The following SORCS1 variants were observed in gnomAD, a reference collection of about 807,000 sequenced individuals.
SORCS1 encodes VPS10 domain-containing receptor SorCS1.
A neutral mutation model predicts 146.1 loss-of-function variants in SORCS1; 60 were observed. That is an observed-to-expected ratio of 0.41 (90% CI 0.33 to 0.51). SORCS1 has a LOEUF of 0.51. Ranked by LOEUF, SORCS1 falls within the 20% of genes least tolerant of loss-of-function variation. SORCS1 has a pLI of 0.21. For missense variants in SORCS1, 1,352 were observed against 1,487.6 expected (o/e 0.91, Z 1.50); for synonymous variants, 637 against 584.0 (o/e 1.09, Z -1.31).
intron 2 of SORCS1, among the ~76,000 whole-genome samples, chr10:106,928,220 G>A (rs1409660075): frequency 1.3e-5 from 2 of 152,232 alleles, no homozygotes; most frequent in Non-Finnish European, 2.9e-5. Context: ...GCTCAGGCAT[G>A]GTGGGCTGCA....
intron 1 of SORCS1, among the ~76,000 whole-genome samples, chr10:107,127,911 CA>C (rs937888630): frequency 1.3e-5 from 2 of 152,160 alleles, no homozygotes; most frequent in African/African-American, 4.8e-5. Context: ...GAACTTTGGC[CA>C]GTAATGTATC....
At chr10:107,133,358 A>G (rs7088098) in intron 1 of SORCS1, among the ~76,000 whole-genome samples, 13,546 of 152,078 alleles carry the variant, frequency 0.089, 695 homozygotes, top group African/African-American at 0.15. Context: ...GGGGCTCAAG[A>G]CAACTGCATT....
At chr10:106,957,320 C>T (rs1477417775) in intron 1 of SORCS1, among the ~76,000 whole-genome samples, 1 of 151,718 alleles carries the variant, frequency 6.6e-6, no homozygotes, top group African/African-American at 2.4e-5. Context: ...ATTACAGTTG[C>T]CCACCACCAC....
intron 1 of SORCS1, among the ~76,000 whole-genome samples, chr10:107,045,928 G>A (rs531756165): frequency 2.2e-4 from 34 of 151,738 alleles, no homozygotes; most frequent in African/African-American, 7.7e-4. Context: ...GGGACTACAG[G>A]TGGATGCCAC....
chr10:106,810,121 T>C (rs1247079469), intron 3 of SORCS1, among the ~76,000 whole-genome samples: 2 of 152,062 alleles, frequency 1.3e-5, no homozygotes, highest in Non-Finnish European at 2.9e-5. Flanking sequence ...CCTGGGAGGC[T>C]GAGGCAGGAG....
At chr10:106,769,298 A>C (rs1411781010) in intron 4 of SORCS1, among the ~76,000 whole-genome samples, 1 of 152,054 alleles carries the variant, frequency 6.6e-6, no homozygotes, top group Non-Finnish European at 1.5e-5. Context: ...AGCCTGGCCA[A>C]CACAGTGAAG....
chr10:106,577,618 CTTTGCAATGTGCTGCG>C, intron 25 of SORCS1, 63 bp from the exon 26 acceptor site: 1 of 1,601,336 alleles, frequency 6.2e-7, no homozygotes, highest in Non-Finnish European at 8.5e-7. Flanking sequence ...GTGTCAGAGA[CTTTGCAATGTGCTGCG>C]ATATCTTCCT....
intron 2 of SORCS1, among the ~76,000 whole-genome samples, chr10:106,944,871 CTTCTTTTTTT>C (rs201015516): frequency 0.22 from 13,363 of 60,796 alleles, 2,023 homozygotes; most frequent in East Asian, 0.46. Context: ...AAGAAAGAGC[CTTCTTTTTTT>C]TTTTTTTTTT....
chr10:106,921,822 A>G (rs1258581664), intron 2 of SORCS1, among the ~76,000 whole-genome samples: 1 of 152,206 alleles, frequency 6.6e-6, no homozygotes, highest in East Asian at 1.9e-4. Flanking sequence ...CAACTATTAC[A>G]AATTCAATCT....
chr10:107,134,455 G>A (rs917682464), intron 1 of SORCS1, among the ~76,000 whole-genome samples: 2 of 152,074 alleles, frequency 1.3e-5, no homozygotes, highest in Non-Finnish European at 1.5e-5. Flanking sequence ...TGGCTAACAT[G>A]GTGAGACCCT....
At chr10:106,952,777 A>G (rs1438677018) in intron 2 of SORCS1, among the ~76,000 whole-genome samples, 1 of 151,354 alleles carries the variant, frequency 6.6e-6, no homozygotes, top group Middle Eastern at 3.4e-3. Flanking sequence ...GGAGCTCAAA[A>G]CCAGTTTGAG....
chr10:106,984,012 A>G (rs1363411063), intron 1 of SORCS1, among the ~76,000 whole-genome samples: 1 of 152,222 alleles, frequency 6.6e-6, no homozygotes, highest in East Asian at 1.9e-4. Context: ...GCCAGTTATT[A>G]AAAAATTGTA....
chr10:106,953,002 A>G (rs1954766512), intron 2 of SORCS1, among the ~76,000 whole-genome samples: 1 of 151,464 alleles, frequency 6.6e-6, no homozygotes, highest in Admixed American at 6.6e-5. Flanking sequence ...TACTACTACT[A>G]ATAATAATAA....
At chr10:106,688,838 T>A (rs907691684) in intron 9 of SORCS1, among the ~76,000 whole-genome samples, 5 of 152,168 alleles carry the variant, frequency 3.3e-5, no homozygotes, top group African/African-American at 1.2e-4. Context: ...GGGCACACAG[T>A]AAGTATCAGA....
intron 1 of SORCS1, among the ~76,000 whole-genome samples, chr10:107,030,969 T>C (rs1958624054): frequency 6.6e-6 from 1 of 152,206 alleles, no homozygotes; most frequent in Admixed American, 6.5e-5. Flanking sequence ...CAGAATTTCA[T>C]GCTTCCCATT....
At chr10:106,764,561 A>ATT (rs1177498048) in intron 4 of SORCS1, among the ~76,000 whole-genome samples, 5 of 152,188 alleles carry the variant, frequency 3.3e-5, no homozygotes, top group Admixed American at 3.3e-4. Context: ...CAGAACACGG[A>ATT]ACTGAGAACT....
chr10:106,675,845 G>A (rs557954404), intron 13 of SORCS1, among the ~76,000 whole-genome samples: 49 of 152,234 alleles, frequency 3.2e-4, no homozygotes, highest in Middle Eastern at 3.4e-3. Context: ...TTTAAAAGAG[G>A]CCTCAGAGAA....
chr10:106,967,299 ATTC>A (rs1297274115), intron 1 of SORCS1, among the ~76,000 whole-genome samples: 5 of 152,154 alleles, frequency 3.3e-5, no homozygotes, highest in Non-Finnish European at 7.3e-5. Context: ...ACCACTGCAT[ATTC>A]TTCTTCCTCT....
chr10:106,709,335 T>C lies in SORCS1; in HGVS notation c.1031A>G (p.His344Arg), dbSNP rs145504188. Reference protein sequence around the residue: ...LEARTVDGHSHYLTCRMQNCT... With the variant: ...LEARTVDGHSRYLTCRMQNCT... ...GTTCTGCATTCGGCAAGTTAGATAA[T>C]GTGAATCTGAAAAACAAAAACAAAA... Residue 344 changes from histidine to arginine, a missense_variant, in exon 7 of 26, where the codon CAT (histidine) becomes CGT (arginine). By Grantham distance (29) the His-to-Arg change is conservative. Coordinates refer to ENST00000263054, the MANE Select transcript of SORCS1 (RefSeq NM_052918.5). 1.6e-3 allele frequency: 2,508 copies of C among 1,611,604 alleles called. 18 individuals carry two copies. The highest frequency in any genetic ancestry group is 0.013 in the East Asian group (584 of 44,838).
Sources: gnomAD v4.1 joint callset for allele counts (sites outside exome capture counted in the v4.1 genomes callset) on GRCh38, gnomAD v4.1.1 for gene constraint, MANE v1.5 for transcripts, NCBI Gene and HGNC (gene_info 2026-07-23, HGNC 2026-07-21) for gene names.